ZNF700: variants seen among roughly 807,000 people sequenced by gnomAD.
ZNF700 encodes the protein zinc finger protein 700.
A neutral mutation model predicts 65.3 loss-of-function variants in ZNF700; 38 were observed. The ratio of observed to expected loss-of-function variants is 0.58; its 90% confidence interval spans 0.45 to 0.76. The LOEUF is 0.76. ZNF700 is among the 30% of genes least tolerant of loss of function. The pLI, the probability that ZNF700 is intolerant of heterozygous loss-of-function variation, is 0.00. For missense variants in ZNF700, 857 were observed against 888.4 expected (o/e 0.96, Z 0.45); for synonymous variants, 285 against 290.4 (o/e 0.98, Z 0.19).
At chr19:11,938,890 G>T (rs1242064559) in intron 1 of ZNF700, among the ~76,000 whole-genome samples, 1 of 152,110 alleles carries the variant, frequency 6.6e-6, no homozygotes, top group Non-Finnish European at 1.5e-5. Context: ...AGCACCTGTT[G>T]TTTCCTGACT....
At position 11,949,651 on chromosome 19, in the gene ZNF700, A is replaced by G. The variant is rs1488488604; in HGVS notation, c.1627A>G (p.Lys543Glu). 1.2e-6 allele frequency: 2 copies of G among 1,613,962 alleles called. No individual in the cohort carries two copies. The highest frequency in any genetic ancestry group is 1.7e-6 in the Non-Finnish European group (2 of 1,180,026). ...ACCCTATGAATGCAACCAATGTGGT[A>G]AAGCCTTCAGATGTTGCAATTCCCT... ...EKPYECNQCG[K>E]AFRCCNSLRY... is the part of the protein sequence containing the mutation. Residue 543 changes from lysine to glutamate, a missense_variant, in exon 4 of 4, where the codon AAA (lysine) becomes GAA (glutamate). By Grantham distance (56) the Lys-to-Glu change is moderately conservative. This residue lies in a region of ZNF700 where 251 missense variants were observed against 250.3 expected (regional missense o/e 1.00). Coordinates refer to ENST00000254321, the MANE Select transcript of ZNF700 (RefSeq NM_144566.3).
chr19:11,947,802 T>C (rs778898005), intron 3 of ZNF700, among the ~76,000 whole-genome samples: 7 of 152,158 alleles, frequency 4.6e-5, no homozygotes, highest in Non-Finnish European at 1.0e-4. Flanking sequence ...GGCCATCAGT[T>C]CCAGAACAGC....
chr19:11,928,039 C>G (rs1972658189), intron 1 of ZNF700, among the ~76,000 whole-genome samples: 1 of 151,944 alleles, frequency 6.6e-6, no homozygotes, highest in African/African-American at 2.4e-5. Context: ...GCTCTGTGAC[C>G]CAGCCTAGAG....
intron 1 of ZNF700, among the ~76,000 whole-genome samples, chr19:11,930,400 T>C (rs888570331): frequency 4.0e-5 from 6 of 148,374 alleles, no homozygotes; most frequent in Non-Finnish European, 8.8e-5. Flanking sequence ...TATATGTGAG[T>C]TGACCACATG....
intron 1 of ZNF700, among the ~76,000 whole-genome samples, chr19:11,931,248 C>A (rs1368809427): frequency 6.8e-6 from 1 of 148,026 alleles, no homozygotes; most frequent in Admixed American, 6.6e-5. Context: ...AGTCCATCTT[C>A]AGAGAGCTGG....
intron 1 of ZNF700, among the ~76,000 whole-genome samples, chr19:11,931,284 G>A (rs917413665): frequency 5.4e-5 from 8 of 147,880 alleles, no homozygotes; most frequent in African/African-American, 1.1e-4. Flanking sequence ...GCAAGGGCCC[G>A]CTTCCTGGTT....
chr19:11,930,409 TGGAGGAACTG>T (rs1284946971), intron 1 of ZNF700, among the ~76,000 whole-genome samples: 1 of 148,436 alleles, frequency 6.7e-6, no homozygotes, highest in Non-Finnish European at 1.5e-5. Flanking sequence ...GTTGACCACA[TGGAGGAACTG>T]GGAGGAGGTG....
In ZNF700 at chr19:11,948,686, C is replaced by CT; in HGVS notation, c.664dup (p.Tyr222LeufsTer2). 6.2e-7 allele frequency: 1 copy of CT among 1,611,976 alleles called. No individual in the cohort carries two copies. The highest frequency in any genetic ancestry group is 1.1e-5 in the South Asian group (1 of 90,706). ...ATGGTAATGCACAGTGGGGATGGAA[C>CT]TTATAAATGTAAATTTTGTGGGAAA... is the stretch of plus-strand genomic sequence containing the variant. On this transcript the variant is annotated frameshift_variant, in exon 4 of 4. Transcript: ENST00000254321. LOFTEE classifies it high-confidence loss of function.
At chr19:11,938,529 C>G (rs1315005505) in intron 1 of ZNF700, among the ~76,000 whole-genome samples, 6 of 152,148 alleles carry the variant, frequency 3.9e-5, no homozygotes, top group Non-Finnish European at 8.8e-5. Context: ...ATAATGGTTT[C>G]CAGCTTCATC....
At position 11,925,127 on chromosome 19, in the gene ZNF700, G is replaced by A. The variant is rs1292589464; in HGVS notation, c.-84G>A. 6.5e-7 allele frequency: 1 copy of A among 1,537,186 alleles called. No homozygotes were observed. Among genetic ancestry groups the A allele is most frequent in the Non-Finnish European group, 8.9e-7 (1 of 1,123,752 alleles). ...GCTTTCCTCACCTTCCTCGCTGCGC[G>A]GGCGGCGGTTGGTAACCGGTCAGAC... On this transcript the variant is annotated 5_prime_UTR_variant, in exon 1 of 4. Transcript: ENST00000254321.
At chr19:11,926,646 C>T (rs986601782) in intron 1 of ZNF700, 12 of 154,272 alleles carry the variant, frequency 7.8e-5, no homozygotes, top group African/African-American at 2.9e-4. Context: ...ACCTCAGCCT[C>T]CCAAAGTGCT....
chr19:11,931,398 A>G (rs182839754), intron 1 of ZNF700, among the ~76,000 whole-genome samples: 6 of 147,744 alleles, frequency 4.1e-5, no homozygotes, highest in African/African-American at 1.6e-4. Flanking sequence ...GAAAGGATTT[A>G]CTCCTATGCT....
At chr19:11,943,525 A>T (rs981592413) in intron 1 of ZNF700, among the ~76,000 whole-genome samples, 1 of 151,994 alleles carries the variant, frequency 6.6e-6, no homozygotes, top group African/African-American at 2.4e-5. Flanking sequence ...TACTTCTATT[A>T]CCTAGAAAAG....
chr19:11,937,355 T>C (rs1350216254), intron 1 of ZNF700, among the ~76,000 whole-genome samples: 1 of 152,186 alleles, frequency 6.6e-6, no homozygotes, highest in Non-Finnish European at 1.5e-5. Flanking sequence ...TTATTTATTT[T>C]ATTACAGAGA....
chr19:11,927,728 T>C (rs1021469384), intron 1 of ZNF700, among the ~76,000 whole-genome samples: 2 of 152,206 alleles, frequency 1.3e-5, no homozygotes, highest in Non-Finnish European at 2.9e-5. Flanking sequence ...CATATTGTTA[T>C]AGGTATTGGG....
At chr19:11,928,904 A>G (rs1461658035) in intron 1 of ZNF700, among the ~76,000 whole-genome samples, 1 of 147,194 alleles carries the variant, frequency 6.8e-6, no homozygotes, top group Non-Finnish European at 1.5e-5. Flanking sequence ...ACATATTGAG[A>G]CCCCATCTCA....
At position 11,947,443 on chromosome 19, in the gene ZNF700, G is replaced by C; in HGVS notation, c.191-71G>C. 3.1e-6 allele frequency: 5 copies of C among 1,599,306 alleles called. No homozygotes were observed. The East Asian group carries it at 8.9e-5, about 29-fold the overall frequency. ...TGAGGCATGGCTGCAGTAAATCATG[G>C]GCACAGAATCTAATAATTTTTTCAC... On this transcript the variant is annotated intron_variant, in intron 2 of 3. Transcript: ENST00000254321.
At chr19:11,945,543 G>A (rs930717606) in intron 1 of ZNF700, among the ~76,000 whole-genome samples, 2 of 152,142 alleles carry the variant, frequency 1.3e-5, no homozygotes, top group Admixed American at 6.5e-5. Context: ...CTAGGGAACC[G>A]GGTACTGTTT....
In ZNF700 at chr19:11,947,165, A is replaced by C; in HGVS notation, c.64-16A>C. 6.2e-7 allele frequency: 1 copy of C among 1,612,668 alleles called. No homozygotes were observed. Among genetic ancestry groups the C allele is most frequent in the African/African-American group, 1.3e-5 (1 of 74,972 alleles). On this transcript the variant is annotated splice_polypyrimidine_tract_variant and intron_variant, in intron 1 of 3. Coordinates refer to ENST00000254321, the MANE Select transcript of ZNF700 (RefSeq NM_144566.3). ...CACTCTCACCCATCTTCCTCTACAC[A>C]TGTGAGATGTTTCAGGACCCAGTGG...
Sources: allele counts gnomAD v4.1 joint callset (sites outside exome capture counted in the v4.1 genomes callset), GRCh38; gene constraint gnomAD v4.1.1; regional missense constraint gnomAD v4.1.1; transcripts MANE v1.5; gene names NCBI Gene and HGNC (gene_info 2026-07-23, HGNC 2026-07-21).